Variants in STPG2 observed in about 807,000 individuals in gnomAD.
STPG2 encodes sperm-tail PG-rich repeat-containing protein 2.
A neutral mutation model predicts 54.2 loss-of-function variants in STPG2; 56 were observed. The observed-to-expected ratio is 1.03, with a 90% CI of 0.83 to 1.29. The LOEUF is 1.29. STPG2 is among the 50% of genes most tolerant of loss of function. The probability of loss-of-function intolerance (pLI) is 0.00; values close to 1 mark genes in which losing one functional copy is unlikely to be tolerated. For synonymous variants in STPG2, 200 were observed against 181.8 expected, an observed-to-expected ratio of 1.10 and a Z score of -0.81; for missense variants, 596 against 544.9, an observed-to-expected ratio of 1.09 and a Z score of -0.93.
chr4:97,454,282 G>C (rs927707792), intron 4 of STPG2, among the ~76,000 whole-genome samples: 1 of 151,558 alleles, frequency 6.6e-6, no homozygotes, highest in Non-Finnish European at 1.5e-5. Context: ...GGGAGGCCGA[G>C]GCGGGTGGAT....
At chr4:97,744,563 G>A (rs1011150445) in intron 9 of STPG2, among the ~76,000 whole-genome samples, 7 of 150,956 alleles carry the variant, frequency 4.6e-5, no homozygotes, top group African/African-American at 1.7e-4. Flanking sequence ...ATTATCTTCA[G>A]GGGATACTTC....
intron 8 of STPG2, among the ~76,000 whole-genome samples, chr4:97,934,400 G>T (rs894410349): frequency 6.6e-6 from 1 of 152,112 alleles, no homozygotes. Flanking sequence ...ATACTATGTT[G>T]AAAAGGAGTG....
At chr4:98,140,351 AT>A (rs958439276) in intron 1 of STPG2, among the ~76,000 whole-genome samples, 13 of 151,690 alleles carry the variant, frequency 8.6e-5, no homozygotes, top group Admixed American at 2.0e-4. Context: ...ATTACAAAGG[AT>A]TTTTTTTTCA....
intron 8 of STPG2, among the ~76,000 whole-genome samples, chr4:97,927,729 T>C (rs1333913747): frequency 6.6e-6 from 1 of 152,122 alleles, no homozygotes; most frequent in African/African-American, 2.4e-5. Context: ...TTGCCTCAGT[T>C]TGAATTCTGG....
At chr4:98,011,105 C>A (rs1443109935) in intron 5 of STPG2, among the ~76,000 whole-genome samples, 2 of 152,112 alleles carry the variant, frequency 1.3e-5, no homozygotes, top group Non-Finnish European at 2.9e-5. Context: ...TTCTCTCCCT[C>A]CCCCTGTGCT....
At chr4:97,482,658 C>T (rs953076594) in intron 4 of STPG2, among the ~76,000 whole-genome samples, 1 of 151,566 alleles carries the variant, frequency 6.6e-6, no homozygotes, top group African/African-American at 2.4e-5. Context: ...AAGAAAACTT[C>T]CCTGGCCTTG....
intron 4 of STPG2, among the ~76,000 whole-genome samples, chr4:97,467,289 G>A (rs1237340443): frequency 6.6e-6 from 1 of 151,700 alleles, no homozygotes; most frequent in African/African-American, 2.4e-5. Flanking sequence ...AAAAGTATAT[G>A]ATTTTAATTT....
At chr4:97,704,847 T>C (rs1194618214) in intron 10 of STPG2, among the ~76,000 whole-genome samples, 2 of 152,114 alleles carry the variant, frequency 1.3e-5, no homozygotes, top group Admixed American at 1.3e-4. Flanking sequence ...AATATGAACA[T>C]TAGAAATAAA....
chr4:97,776,028 C>T lies in STPG2; in HGVS notation c.1205-63214G>A, dbSNP rs143753119. On this transcript the variant is annotated intron_variant, in intron 9 of 10. Transcript: ENST00000295268. ...CTCCCCACCTCGGCCTCCCAAAGTG[C>T]TGGGATTACATGCATGAGCTACTGC... Among the ~76,000 whole-genome samples the T allele has an allele frequency of 1.3e-3, 201 of 152,274 alleles. 1 individual carries two copies. The highest frequency in any genetic ancestry group is 4.7e-3 in the African/African-American group (195 of 41,560).
intron 7 of STPG2, among the ~76,000 whole-genome samples, chr4:97,963,664 T>C (rs1248746371): frequency 2.0e-5 from 3 of 151,480 alleles, no homozygotes; most frequent in African/African-American, 4.8e-5. Flanking sequence ...AATACATATA[T>C]ATATAAATAC....
intron 10 of STPG2, among the ~76,000 whole-genome samples, chr4:97,644,819 C>CTTTA (rs1721865320): frequency 6.6e-6 from 1 of 152,038 alleles, no homozygotes; most frequent in Non-Finnish European, 1.5e-5. Context: ...AGCCTCCTTA[C>CTTTA]TTTAAACTTT....
At chr4:97,600,812 GT>G (rs1733439058) in intron 10 of STPG2, among the ~76,000 whole-genome samples, 1 of 152,086 alleles carries the variant, frequency 6.6e-6, no homozygotes, top group South Asian at 2.1e-4. Flanking sequence ...AGTTTAAAGA[GT>G]AACAGAAAGT....
chr4:97,683,812 G>A (rs1723106750), intron 10 of STPG2, among the ~76,000 whole-genome samples: 1 of 151,700 alleles, frequency 6.6e-6, no homozygotes. Context: ...AATTGGGAAG[G>A]AAGAAATACA....
intron 8 of STPG2, among the ~76,000 whole-genome samples, chr4:97,885,224 T>A (rs888147721): frequency 7.2e-5 from 11 of 152,026 alleles, no homozygotes; most frequent in Non-Finnish European, 1.5e-4. Flanking sequence ...AACCCTGGAG[T>A]TGGTGAAGAT....
At chr4:97,729,063 T>TTCTCTCTCTCTC (rs57186071) in intron 9 of STPG2, among the ~76,000 whole-genome samples, 2,812 of 124,834 alleles carry the variant, frequency 0.023, 95 homozygotes, top group Middle Eastern at 0.049. Context: ...CCCCAAGAAT[T>TTCTCTCTCTCTC]TCTCTCTCTC....
intron 4 of STPG2, among the ~76,000 whole-genome samples, chr4:97,469,551 A>C (rs771607766): frequency 2.6e-5 from 4 of 152,044 alleles, no homozygotes; most frequent in Non-Finnish European, 5.9e-5. Flanking sequence ...TACTAGGTTC[A>C]GTTCTGGACA....
At chr4:98,070,553 A>G (rs1047654227) in intron 5 of STPG2, among the ~76,000 whole-genome samples, 1 of 149,480 alleles carries the variant, frequency 6.7e-6, no homozygotes, top group African/African-American at 2.4e-5. Flanking sequence ...AGGGTATTCA[A>G]ATAGAGAGAG....
chr4:97,604,999 G>C (rs1199838979), intron 10 of STPG2, among the ~76,000 whole-genome samples: 1 of 151,608 alleles, frequency 6.6e-6, no homozygotes, highest in Non-Finnish European at 1.5e-5. Context: ...ATAAACCAAA[G>C]CTTCTCCCAT....
chr4:97,738,852 C>A (rs900469436), intron 9 of STPG2, among the ~76,000 whole-genome samples: 12 of 152,128 alleles, frequency 7.9e-5, no homozygotes, highest in Admixed American at 5.9e-4. Flanking sequence ...CAGCTCTGCA[C>A]CAAGTGGACC....
Sources: allele counts gnomAD v4.1 joint callset (sites outside exome capture counted in the v4.1 genomes callset), GRCh38; gene constraint gnomAD v4.1.1; transcripts MANE v1.5; gene names NCBI Gene and HGNC (gene_info 2026-07-23, HGNC 2026-07-21).